QKI: variants seen among roughly 807,000 people sequenced by gnomAD.
The protein encoded by QKI is QKI, KH domain containing RNA binding.
QKI carries 10 observed loss-of-function variants against 39.0 expected under a neutral mutation model. That is an observed-to-expected ratio of 0.26 (90% CI 0.16 to 0.43). The LOEUF (loss-of-function observed/expected upper bound fraction) is 0.43. QKI is among the 20% of genes least tolerant of loss of function. QKI has a pLI of 1.00. For synonymous variants in QKI, 204 were observed against 155.4 expected (o/e 1.31, Z -2.33); for missense variants, 218 against 428.0 (o/e 0.51, Z 4.33).
intron 2 of QKI, among the ~76,000 whole-genome samples, chr6:163,459,685 G>T (rs1479240207): frequency 6.6e-6 from 1 of 152,188 alleles, no homozygotes; most frequent in East Asian, 1.9e-4. Context: ...AGGAGTAAAG[G>T]TAACAAATGT....
At chr6:163,454,383 T>C (rs1790781671) in intron 1 of QKI, among the ~76,000 whole-genome samples, 1 of 152,198 alleles carries the variant, frequency 6.6e-6, no homozygotes, top group Non-Finnish European at 1.5e-5. Flanking sequence ...TAGGTATTGC[T>C]ACTTCCTTTT....
At chr6:163,517,364 A>G (rs1172052114) in intron 3 of QKI, among the ~76,000 whole-genome samples, 4 of 152,090 alleles carry the variant, frequency 2.6e-5, no homozygotes, top group Non-Finnish European at 5.9e-5. Flanking sequence ...ACTTTTCTTA[A>G]TTACATCTGC....
chr6:163,543,274 G>C (rs572069103), intron 4 of QKI, among the ~76,000 whole-genome samples: 17 of 152,062 alleles, frequency 1.1e-4, no homozygotes, highest in Middle Eastern at 6.8e-3. Flanking sequence ...CATTTTATTG[G>C]GAGAGAAGGA....
chr6:163,564,208 A>G, intron 6 of QKI: 2 of 1,023,756 alleles, frequency 2.0e-6, no homozygotes, highest in Non-Finnish European at 2.3e-6. Context: ...TTAAAATATC[A>G]GATAAATACA....
intron 1 of QKI, among the ~76,000 whole-genome samples, chr6:163,450,051 GTA>G (rs112584915): frequency 6.6e-6 from 1 of 151,492 alleles, no homozygotes; most frequent in Non-Finnish European, 1.5e-5. Context: ...GTATATATGT[GTA>G]TATATATATG....
At chr6:163,566,827 G>A (rs752703189) in intron 7 of QKI, 32 bp downstream of exon 7, 1 of 1,609,676 alleles carries the variant, frequency 6.2e-7, no homozygotes, top group Admixed American at 1.7e-5. Context: ...TTGTCTATAA[G>A]AAATGCGTTG....
intron 1 of QKI, among the ~76,000 whole-genome samples, chr6:163,449,140 C>A (rs936619562): frequency 2.0e-5 from 3 of 152,120 alleles, no homozygotes; most frequent in Admixed American, 1.3e-4. Flanking sequence ...ACTTTAATGT[C>A]TAGCAAGAGG....
At chr6:163,499,290 T>C (rs1229119851) in intron 3 of QKI, among the ~76,000 whole-genome samples, 1 of 152,186 alleles carries the variant, frequency 6.6e-6, no homozygotes, top group South Asian at 2.1e-4. Context: ...GTATGACATA[T>C]CTTGGACCAA....
chr6:163,418,488 G>GT (rs1370541109), intron 1 of QKI, among the ~76,000 whole-genome samples: 1 of 151,912 alleles, frequency 6.6e-6, no homozygotes, highest in African/African-American at 2.4e-5. Flanking sequence ...GTTTTGTTTT[G>GT]TTTTTTGCTG....
chr6:163,526,910 A>C (rs1012110405), intron 3 of QKI, among the ~76,000 whole-genome samples: 1 of 152,186 alleles, frequency 6.6e-6, no homozygotes, highest in African/African-American at 2.4e-5. Context: ...TAATGTATGA[A>C]AATTGGAAGA....
chr6:163,472,092 C>CT (rs373841553), intron 2 of QKI, among the ~76,000 whole-genome samples: 96 of 152,230 alleles, frequency 6.3e-4, no homozygotes, highest in Middle Eastern at 3.4e-3. Context: ...CCACGTATAA[C>CT]TTTTAACTAC....
intron 1 of QKI, among the ~76,000 whole-genome samples, chr6:163,421,815 G>T (rs1322906921): frequency 1.3e-5 from 2 of 151,656 alleles, no homozygotes; most frequent in Non-Finnish European, 2.9e-5. Flanking sequence ...CGTGCTCTCG[G>T]CTCACTGCAA....
chr6:163,562,449 T>C (rs545580384), intron 5 of QKI, among the ~76,000 whole-genome samples: 1 of 152,338 alleles, frequency 6.6e-6, no homozygotes, highest in East Asian at 1.9e-4. Flanking sequence ...GAATTTGAAG[T>C]GTATCTGACT....
chr6:163,415,501 C>T (rs1439283703), intron 1 of QKI, among the ~76,000 whole-genome samples, 166 bp downstream of exon 1: 2 of 149,780 alleles, frequency 1.3e-5, no homozygotes, highest in Non-Finnish European at 3.0e-5. Context: ...GCCGGGCTTG[C>T]GGCGGGCGGG....
At chr6:163,457,632 TA>T in intron 2 of QKI, 3 of 301,454 alleles carry the variant, frequency 1.0e-5, no homozygotes, top group Admixed American at 8.6e-5. Context: ...ATCACTCCTC[TA>T]ATTTTTTTTT....
chr6:163,497,670 C>G (rs1481131296), intron 3 of QKI, among the ~76,000 whole-genome samples: 3 of 151,054 alleles, frequency 2.0e-5, no homozygotes, highest in East Asian at 3.9e-4. Context: ...TTTGTTAAAA[C>G]CCTATTACCT....
intron 3 of QKI, among the ~76,000 whole-genome samples, chr6:163,527,172 G>T (rs1780569735): frequency 6.6e-6 from 1 of 152,138 alleles, no homozygotes; most frequent in Non-Finnish European, 1.5e-5. Context: ...CTTTGAAAGT[G>T]TAGTTTTTGT....
chr6:163,415,998 C>A (rs1264133651), intron 1 of QKI: 5 of 445,894 alleles, frequency 1.1e-5, no homozygotes, highest in Non-Finnish European at 2.2e-5. Flanking sequence ...GCACTTTTTT[C>A]CCTTTTGTTT....
chr6:163,569,058 T>G (rs986419152), intron 7 of QKI: 15 of 967,448 alleles, frequency 1.6e-5, no homozygotes, highest in Non-Finnish European at 1.6e-5. Flanking sequence ...TTAAACAGTT[T>G]TAATCAAAAC....
Sources: gnomAD v4.1 joint callset for allele counts (sites outside exome capture counted in the v4.1 genomes callset) on GRCh38, gnomAD v4.1.1 for gene constraint, MANE v1.5 for transcripts, NCBI Gene and HGNC (gene_info 2026-07-23, HGNC 2026-07-21) for gene names.